The following PRTN3 variants were observed in gnomAD, a reference collection of about 807,000 sequenced individuals.
PRTN3 encodes the protein proteinase 3, also known as myeloblastin.
Under a neutral mutation model 20.7 loss-of-function variants are expected in PRTN3, and 22 were observed. That is an observed-to-expected ratio of 1.06 (90% CI 0.76 to 1.52). The LOEUF (loss-of-function observed/expected upper bound fraction) is 1.52, where lower values mean the gene tolerates loss of function less well. Ranked by LOEUF, PRTN3 falls within the 40% of genes most tolerant of loss-of-function variation. The pLI is 0.00. For synonymous variants in PRTN3, 173 were observed against 152.9 expected (o/e 1.13, Z -0.97); for missense variants, 378 against 359.6 (o/e 1.05, Z -0.41).
At chr19:846,755 G>GTT (rs1421221063) in intron 4 of PRTN3, among the ~76,000 whole-genome samples, 1 of 151,994 alleles carries the variant, frequency 6.6e-6, no homozygotes, top group East Asian at 1.9e-4. Context: ...CTTTTTGTTT[G>GTT]TTTTTGAGAC....
intron 3 of PRTN3, among the ~76,000 whole-genome samples, chr19:845,701 C>T (rs562774459): frequency 9.5e-5 from 13 of 137,466 alleles, no homozygotes; most frequent in South Asian, 2.4e-4. Context: ...GCAACAAGAG[C>T]GAAACTCCAT....
chr19:842,412 G>GTTTT (rs2035457143), intron 1 of PRTN3, among the ~76,000 whole-genome samples: 17 of 77,386 alleles, frequency 2.2e-4, no homozygotes, highest in Admixed American at 3.5e-4. Context: ...CTGCGCCCAG[G>GTTTT]ATTTTTTTTT....
In PRTN3 at chr19:843,627, G is replaced by A. The variant is rs2035474363; in HGVS notation, c.227+1G>A. 2 of 1,556,846 alleles carry A rather than the reference G, an allele frequency of 1.3e-6. No homozygotes were observed. The highest frequency in any genetic ancestry group is 1.8e-5 in the Admixed American group (1 of 54,224). ...CGGCCGCGCACTGCCTGCGGGACAT[G>A]TGAGCGGCCGCCTCCACACCCCTGT... On this transcript the variant is annotated splice_donor_variant, in intron 2 of 4. Coordinates refer to ENST00000234347, the MANE Select transcript of PRTN3 (RefSeq NM_002777.4). LOFTEE classifies it high-confidence loss of function.
In PRTN3 at chr19:846,046, C is replaced by T. The variant is rs529632932; in HGVS notation, c.370-101C>T. The stretch of plus-strand genomic sequence containing the variant: ...CAGGCGGAGGGAGCGGCATCCGCGG[C>T]GTTTTGAGGTGGTGGGTGTGGTGGG... On this transcript the variant is annotated intron_variant, in intron 3 of 4. Coordinates refer to ENST00000234347, the MANE Select transcript of PRTN3 (RefSeq NM_002777.4). The T allele has an allele frequency of 6.7e-5, 52 of 776,420 alleles. 1 individual carries two copies. Among genetic ancestry groups the T allele is most frequent in the African/African-American group, 4.1e-4 (22 of 54,282 alleles). The allele number at this position is 776,420 out of a possible 1,614,324, so 48.1% of individuals were successfully genotyped here.
chr19:843,455 C>T lies in PRTN3; in HGVS notation c.62-6C>T, dbSNP rs765703088. 1.1e-5 allele frequency: 17 copies of T among 1,554,664 alleles called. No individual in the cohort carries two copies. The African/African-American group carries it at 2.2e-4, about 20-fold the overall frequency. On this transcript the variant is annotated splice_region_variant and splice_polypyrimidine_tract_variant and intron_variant, in intron 1 of 4. Transcript: ENST00000234347. ...GCTCCCTGACGCCTGGACTCCCCCC[C>T]TGCAGGTGCTGCCCGAGCTGCGGAG...
chr19:841,564 GTGAATGAA>G (rs1233891055), intron 1 of PRTN3, among the ~76,000 whole-genome samples: 1 of 57,344 alleles, frequency 1.7e-5, no homozygotes, highest in Non-Finnish European at 3.8e-5. Flanking sequence ...GAGTGAATGA[GTGAATGAA>G]TGAGTGAATG....
chr19:847,549 AAAAG>A (rs1555707984), intron 4 of PRTN3, among the ~76,000 whole-genome samples: 1 of 127,730 alleles, frequency 7.8e-6, no homozygotes, highest in South Asian at 2.4e-4. Context: ...GAAAGAAAGA[AAAAG>A]AAAGAGAGAG....
intron 3 of PRTN3, 34 bp from the exon 4 acceptor site, chr19:846,113 G>A: frequency 1.4e-6 from 2 of 1,393,888 alleles, no homozygotes; most frequent in East Asian, 5.6e-5. Context: ...TGACCTGGAA[G>A]CAGCGTCTCA....
At chr19:841,762 C>T (rs1304369436) in intron 1 of PRTN3, among the ~76,000 whole-genome samples, 1 of 129,148 alleles carries the variant, frequency 7.7e-6, no homozygotes, top group Non-Finnish European at 1.6e-5. Flanking sequence ...GAGTCTCGCC[C>T]TGTCGCCCAG....
Position 843,542 on chromosome 19 carries a change from G to A in PRTN3, c.143G>A (p.Arg48Gln). The A allele has an allele frequency of 6.3e-7, 1 of 1,597,556 alleles. No homozygotes were observed. Among genetic ancestry groups the A allele is most frequent in the East Asian group, 2.3e-5 (1 of 44,352 alleles). The change falls in exon 2 of 5, where the codon CGG (arginine) becomes CAG (glutamine). Residue 48 changes from arginine (R) to glutamine (Q), a missense_variant. By Grantham distance (43) the Arg-to-Gln change is conservative. Coordinates refer to ENST00000234347, the MANE Select transcript of PRTN3 (RefSeq NM_002777.4). ...CCCTACATGGCCTCCCTGCAGATGCGGGGGAACCCGGGCAGCCACTTCTGC... is the reference window on the plus strand; with the variant it reads ...CCCTACATGGCCTCCCTGCAGATGCAGGGGAACCCGGGCAGCCACTTCTGC... Reference protein sequence around the residue: ...SRPYMASLQMRGNPGSHFCGG... With the variant: ...SRPYMASLQMQGNPGSHFCGG...
At chr19:841,123 G>A (rs1429649056) in intron 1 of PRTN3, 54 bp downstream of exon 1, 4 of 1,577,780 alleles carry the variant, frequency 2.5e-6, no homozygotes, top group Admixed American at 1.7e-5. Context: ...TGGATTGTGG[G>A]GAAATATCCA....
In PRTN3 at chr19:846,143, C is replaced by G. The variant is rs766017640; in HGVS notation, c.370-4C>G. 9.2e-6 allele frequency: 13 copies of G among 1,417,326 alleles called. No individual in the cohort carries two copies. The highest frequency in any genetic ancestry group is 1.5e-5 in the South Asian group (1 of 66,170). 87.8% of individuals were successfully genotyped at this position (1,417,326 alleles called of 1,614,324 possible). On this transcript the variant is annotated splice_polypyrimidine_tract_variant and splice_region_variant and intron_variant, in intron 3 of 4. Coordinates refer to ENST00000234347, the MANE Select transcript of PRTN3 (RefSeq NM_002777.4). The stretch of plus-strand genomic sequence containing the variant: ...GTCTCACCGCCGCCTGCCTTCTGCC[C>G]CAGCTGAGCAGCCCAGCCAACCTCA...
chr19:846,058 G>T, intron 3 of PRTN3, 89 bp from the exon 4 acceptor site: 2 of 955,262 alleles, frequency 2.1e-6, no homozygotes, highest in Non-Finnish European at 2.9e-6. Context: ...TTTTGAGGTG[G>T]TGGGTGTGGT....
intron 2 of PRTN3, 75 bp from the exon 3 acceptor site, chr19:843,818 C>T (rs1446899107): frequency 2.7e-6 from 4 of 1,501,878 alleles, no homozygotes; most frequent in South Asian, 1.3e-5. Flanking sequence ...GGCTGCACCG[C>T]GGCCTCGGGA....
intron 4 of PRTN3, among the ~76,000 whole-genome samples, chr19:847,033 T>C (rs1043730151): frequency 2.2e-4 from 33 of 151,940 alleles, no homozygotes; most frequent in African/African-American, 7.5e-4. Flanking sequence ...AGGCCAGCAG[T>C]GGTGGCTCAC....
chr19:843,771 G>A (rs576452031), intron 2 of PRTN3, 122 bp from the exon 3 acceptor site: 255 of 1,452,308 alleles, frequency 1.8e-4, no homozygotes, highest in Admixed American at 9.5e-4. Context: ...AGTTCTGGGG[G>A]GAGGCCCGGG....
At chr19:841,267 T>C (rs1260035187) in intron 1 of PRTN3, among the ~76,000 whole-genome samples, 198 bp downstream of exon 1, 1 of 152,162 alleles carries the variant, frequency 6.6e-6, no homozygotes, top group Non-Finnish European at 1.5e-5. Context: ...CCCTGGCCAT[T>C]TGACTCAGTT....
In PRTN3 at chr19:845,765, C is replaced by T. The variant is rs188264676; in HGVS notation, c.370-382C>T. 4.2e-3 allele frequency among the ~76,000 whole-genome samples: 636 copies of T among 150,784 alleles called. 3 individuals carry two copies. The highest frequency in any genetic ancestry group is 0.015 in the African/African-American group (611 of 41,020). ...AAGAAAGAAAACATGAATGAATGGC[C>T]GGGCACTATGGCTCACACTTGTAAT... On this transcript the variant is annotated intron_variant, in intron 3 of 4. Coordinates refer to ENST00000234347, the MANE Select transcript of PRTN3 (RefSeq NM_002777.4).
Position 843,487 on chromosome 19 carries a change from G to A in PRTN3, c.88G>A (p.Gly30Ser), listed in dbSNP as rs2145126672. The A allele has an allele frequency of 6.3e-7, 1 of 1,579,482 alleles. No homozygotes were observed. Residue 30 changes from glycine (G) to serine (S), a missense_variant, in exon 2 of 5, where the codon GGC (glycine) becomes AGC (serine). Coordinates refer to ENST00000234347, the MANE Select transcript of PRTN3 (RefSeq NM_002777.4). ...SGAARAAEIVGGHEAQPHSRP... is the reference protein window; with the variant it reads ...SGAARAAEIVSGHEAQPHSRP... Reference sequence around the variant, plus strand: ...TGCTGCCCGAGCTGCGGAGATCGTGGGCGGGCACGAGGCGCAGCCACACTC... The same window carrying A: ...TGCTGCCCGAGCTGCGGAGATCGTGAGCGGGCACGAGGCGCAGCCACACTC...
Sources: gnomAD v4.1 joint callset for allele counts (sites outside exome capture counted in the v4.1 genomes callset) on GRCh38, gnomAD v4.1.1 for gene constraint, MANE v1.5 for transcripts, NCBI Gene and HGNC (gene_info 2026-07-23, HGNC 2026-07-21) for gene names.